The following HMX1 variants were observed in gnomAD, a reference collection of about 807,000 sequenced individuals.
The protein encoded by HMX1 is H6 family homeobox 1.
In HMX1, 8 loss-of-function variants were observed where a neutral mutation model predicts 8.9. The ratio of observed to expected loss-of-function variants is 0.90; its 90% CI spans 0.53 to 1.63. The LOEUF is 1.63. Among genes scored for constraint, HMX1 ranks in the 40% most tolerant of loss-of-function variants. The probability of loss-of-function intolerance (pLI) is 0.00; values close to 1 mark genes in which losing one functional copy is unlikely to be tolerated. For synonymous variants in HMX1, 311 were observed against 283.4 expected (o/e 1.10, Z -0.98); for missense variants, 621 against 558.5 (o/e 1.11, Z -1.13).
chr4:8,866,062 G>A (rs1214576614), downstream of HMX1, among the ~76,000 whole-genome samples: 1 of 152,176 alleles, frequency 6.6e-6, no homozygotes, highest in Non-Finnish European at 1.5e-5. Flanking sequence ...GGGCCCAGAG[G>A]CTGAAGGAGG....
At position 8,848,032 on chromosome 4, in the gene HMX1, C is replaced by T. The variant is rs1009845458; in HGVS notation, c.395-1708G>A. Among the ~76,000 whole-genome samples the T allele has an allele frequency of 1.3e-5, 2 of 152,200 alleles. No homozygotes were observed. Among genetic ancestry groups the T allele is most frequent in the Non-Finnish European group, 2.9e-5 (2 of 68,042 alleles). On this transcript the variant is annotated intron_variant, in intron 1 of 1. Coordinates refer to the HMX1 transcript ENST00000506970. This position sits in a 1 kb window ranked among gnomAD's most constrained non-coding sequence, Gnocchi z 4.1. ...ACCGAATTTTGAATCTAAAACTCGA[C>T]ACTCGATTCAGTTATTGGACAACAC...
chr4:8,860,930 C>T (rs1721784587), intron 1 of HMX1: 1 of 146,512 alleles, frequency 6.8e-6, no homozygotes, highest in Non-Finnish European at 1.5e-5. Flanking sequence ...TTCCAGACGC[C>T]AGAGAGACGC....
At chr4:8,859,991 A>T (rs1721742474) in intron 1 of HMX1, among the ~76,000 whole-genome samples, 1 of 152,186 alleles carries the variant, frequency 6.6e-6, no homozygotes, top group Admixed American at 6.5e-5. Flanking sequence ...GTGGGAGTGG[A>T]GGGCTTAGGT....
At chr4:8,860,116 G>C (rs1190844964) in intron 1 of HMX1, among the ~76,000 whole-genome samples, 1 of 152,266 alleles carries the variant, frequency 6.6e-6, no homozygotes, top group Admixed American at 6.5e-5. Flanking sequence ...GCGCGGGTCA[G>C]CAGGGCCCTG....
chr4:8,854,107 C>T (rs1415087503), intron 1 of HMX1, among the ~76,000 whole-genome samples: 1 of 152,190 alleles, frequency 6.6e-6, no homozygotes, highest in Non-Finnish European at 1.5e-5. Flanking sequence ...CTTACCCTGC[C>T]TCGAATGGGT....
At chr4:8,860,673 C>G (rs1382971293) in intron 1 of HMX1, 4 of 152,354 alleles carry the variant, frequency 2.6e-5, no homozygotes, top group Non-Finnish European at 4.4e-5. Context: ...CTTCGCTCCG[C>G]TCTAGCCTTC....
At chr4:8,863,068 A>G (rs553191261), downstream of HMX1, among the ~76,000 whole-genome samples, 17 of 152,052 alleles carry the variant, frequency 1.1e-4, no homozygotes, top group Admixed American at 8.5e-4. Flanking sequence ...CCCACTTCCC[A>G]GCGGGACCCT....
At chr4:8,850,596 C>T (rs1018716405) in intron 1 of HMX1, among the ~76,000 whole-genome samples, 3 of 152,244 alleles carry the variant, frequency 2.0e-5, no homozygotes, top group African/African-American at 4.8e-5. Context: ...CCCCACAACA[C>T]ATGACTTGCC....
intron 1 of HMX1, among the ~76,000 whole-genome samples, chr4:8,855,825 A>G (rs546091053): frequency 5.2e-4 from 79 of 152,188 alleles, no homozygotes; most frequent in African/African-American, 1.8e-3. Context: ...CTGCCTGCTG[A>G]CCTGCAGAAG....
intron 1 of HMX1, among the ~76,000 whole-genome samples, chr4:8,861,039 A>T (rs1452532427): frequency 1.3e-5 from 2 of 150,626 alleles, no homozygotes; most frequent in East Asian, 2.0e-4. Context: ...CGAGCTGGGA[A>T]GGTCCCGGGC....
At chr4:8,860,105 T>C (rs538254618) in intron 1 of HMX1, among the ~76,000 whole-genome samples, 1 of 152,350 alleles carries the variant, frequency 6.6e-6, no homozygotes, top group Admixed American at 6.5e-5. Context: ...TGCGCACAAG[T>C]GCGCGGGTCA....
chr4:8,857,985 G>A (rs1198327636), intron 1 of HMX1, among the ~76,000 whole-genome samples: 2 of 152,108 alleles, frequency 1.3e-5, no homozygotes, highest in Admixed American at 1.3e-4. Context: ...TGAAGCCGAG[G>A]GGTGGCTTTT....
At chr4:8,857,225 T>A (rs1485573064) in intron 1 of HMX1, among the ~76,000 whole-genome samples, 1 of 152,170 alleles carries the variant, frequency 6.6e-6, no homozygotes, top group Non-Finnish European at 1.5e-5. Context: ...CGAGGAAGCG[T>A]CGGGGACAGA....
At chr4:8,850,996 G>A (rs1188341949) in intron 1 of HMX1, among the ~76,000 whole-genome samples, 2 of 152,258 alleles carry the variant, frequency 1.3e-5, no homozygotes, top group East Asian at 3.9e-4. Context: ...TCCATTTCTG[G>A]GTCTTCGTGC....
At chr4:8,860,223 C>T (rs1344977365) in intron 1 of HMX1, among the ~76,000 whole-genome samples, 1 of 152,230 alleles carries the variant, frequency 6.6e-6, no homozygotes, top group Admixed American at 6.5e-5. Flanking sequence ...GCCCCCTGGC[C>T]TTTCCTATAC....
chr4:8,870,954 A>C lies in HMX1; in HGVS notation c.394+267T>G, dbSNP rs1722192036. Among the ~76,000 whole-genome samples the C allele has an allele frequency of 6.6e-6, 1 of 151,496 alleles. No homozygotes were observed. Among genetic ancestry groups the C allele is most frequent in the African/African-American group, 2.4e-5 (1 of 41,186 alleles). The stretch of plus-strand genomic sequence containing the variant: ...TGGCCTCCTGTTGTCCCCTGTCCCC[A>C]GCCTCCCTGGGACCGGAGGAGCCCG... On this transcript the variant is annotated intron_variant, in intron 1 of 1. Coordinates refer to ENST00000400677, the MANE Select transcript of HMX1 (RefSeq NM_018942.3). This position sits in a 1 kb window ranked among gnomAD's most constrained non-coding sequence, Gnocchi z 4.4.
rs1721308978 is a variant in HMX1, at chr4:8,847,323, G to A, written c.395-999C>T. Among the ~76,000 whole-genome samples, 1 of 152,142 alleles carries A rather than the reference G, an allele frequency of 6.6e-6. No individual in the cohort carries two copies. Among genetic ancestry groups the A allele is most frequent in the South Asian group, 2.1e-4 (1 of 4,816 alleles). On this transcript the variant is annotated intron_variant, in intron 1 of 1. Transcript: ENST00000506970. This position sits in a 1 kb window ranked among gnomAD's most constrained non-coding sequence, Gnocchi z 6.0. ...AATTTAAAAAGCCACTAAGTGATCT[G>A]ATGTCTCCTGAGAATATCTTTGACT...
At chr4:8,861,389 G>T (rs565381613) in intron 1 of HMX1, among the ~76,000 whole-genome samples, 93 of 152,314 alleles carry the variant, frequency 6.1e-4, no homozygotes, top group African/African-American at 2.2e-3. Flanking sequence ...GAGCCTCTCC[G>T]CAAAGAAATA....
In HMX1 at chr4:8,867,340, T is replaced by C; in HGVS notation, c.*353A>G. ...CAGCCGGTTCGTAGTTTTCCTTTGT[T>C]GCGCTGGGCTTGGCCTGAGGGCAGC... On this transcript the variant is annotated 3_prime_UTR_variant, in exon 2 of 2. Transcript: ENST00000400677. 1 of 1,006,542 alleles carries C rather than the reference T, an allele frequency of 9.9e-7. No homozygotes were observed. The allele number at this position is 1,006,542 out of a possible 1,614,324, so 62.4% of individuals were successfully genotyped here. A position where few individuals can be genotyped will look rare whatever the true frequency, so the allele number is the denominator to read the frequency against.
Sources: gnomAD v4.1 joint callset for allele counts (sites outside exome capture counted in the v4.1 genomes callset) on GRCh38, gnomAD v4.1.1 for gene constraint, Gnocchi (gnomAD v3.1) non-coding constraint, MANE v1.5 for transcripts, NCBI Gene and HGNC (gene_info 2026-07-23, HGNC 2026-07-21) for gene names.